Variants in DENND5B observed in about 807,000 individuals in gnomAD.
DENND5B encodes DENN domain containing 5B, also known as DENN domain-containing protein 5B.
DENND5B carries 34 observed loss-of-function variants against 140.6 expected under a neutral mutation model. The ratio of observed to expected loss-of-function variants is 0.24; its 90% CI spans 0.18 to 0.32. The LOEUF is 0.32. DENND5B is among the 10% of genes least tolerant of loss of function. The pLI is 1.00. For missense variants in DENND5B, 1,142 were observed against 1,560.2 expected (o/e 0.73, Z 4.52); for synonymous variants, 551 against 562.1 (o/e 0.98, Z 0.28).
At chr12:31,438,985 A>G (rs1181737176) in intron 7 of DENND5B, among the ~76,000 whole-genome samples, 1 of 152,244 alleles carries the variant, frequency 6.6e-6, no homozygotes, top group African/African-American at 2.4e-5. Context: ...ACTCTGTGGA[A>G]CAAAATGGCC....
At chr12:31,451,558 T>C (rs1944525732) in intron 5 of DENND5B, 1 of 228,840 alleles carries the variant, frequency 4.4e-6, no homozygotes, top group Admixed American at 5.3e-5. Context: ...CTCCTGACCT[T>C]GTGATCCGTC....
At chr12:31,393,075 C>T (rs1324126119) in intron 17 of DENND5B, among the ~76,000 whole-genome samples, 1 of 152,146 alleles carries the variant, frequency 6.6e-6, no homozygotes, top group Non-Finnish European at 1.5e-5. Flanking sequence ...TGCTAGCAAG[C>T]CCCCAAATAT....
At chr12:31,469,718 C>T (rs546879435) in intron 3 of DENND5B, among the ~76,000 whole-genome samples, 2 of 152,248 alleles carry the variant, frequency 1.3e-5, no homozygotes, top group South Asian at 2.1e-4. Flanking sequence ...GGGTGGATCT[C>T]TCATGAATGG....
At chr12:31,499,697 A>G (rs1402725868) in intron 1 of DENND5B, 2 of 1,430,314 alleles carry the variant, frequency 1.4e-6, no homozygotes, top group South Asian at 1.5e-5. Flanking sequence ...GAAACAAAAA[A>G]GCTTTATGAA....
intron 1 of DENND5B, among the ~76,000 whole-genome samples, chr12:31,556,869 A>T (rs1430526950): frequency 6.6e-6 from 1 of 152,166 alleles, no homozygotes; most frequent in Admixed American, 6.5e-5. Context: ...ATGCCTCTTG[A>T]CCCAGCAGTT....
intron 1 of DENND5B, among the ~76,000 whole-genome samples, chr12:31,556,008 G>A (rs1949267929): frequency 6.6e-6 from 1 of 152,256 alleles, no homozygotes; most frequent in Middle Eastern, 3.2e-3. Flanking sequence ...CGCTTCCCGG[G>A]TGAGGTGATG....
chr12:31,556,245 C>T (rs530103533), intron 1 of DENND5B, among the ~76,000 whole-genome samples: 1 of 152,278 alleles, frequency 6.6e-6, no homozygotes, highest in Admixed American at 6.5e-5. Context: ...CACTCTGTCA[C>T]CCAGACTGGA....
chr12:31,418,393 C>G (rs2137638714), intron 11 of DENND5B, among the ~76,000 whole-genome samples: 1 of 150,580 alleles, frequency 6.6e-6, no homozygotes, highest in African/African-American at 2.4e-5. Context: ...GATCCTCCAA[C>G]CTCAGCTTCT....
chr12:31,389,192 G>T, intron 20 of DENND5B, 132 bp downstream of exon 20: 1 of 877,060 alleles, frequency 1.1e-6, no homozygotes, highest in Non-Finnish European at 1.6e-6. Flanking sequence ...GTGAGACTCT[G>T]TTTCAAAAGA....
At chr12:31,394,342 T>C (rs1440140501) in intron 17 of DENND5B, among the ~76,000 whole-genome samples, 1 of 152,082 alleles carries the variant, frequency 6.6e-6, no homozygotes, top group Non-Finnish European at 1.5e-5. Flanking sequence ...CTTTTCTGCT[T>C]ATAGCATGAG....
At chr12:31,408,823 G>T (rs1942279533) in intron 14 of DENND5B, among the ~76,000 whole-genome samples, 1 of 152,070 alleles carries the variant, frequency 6.6e-6, no homozygotes, top group African/African-American at 2.4e-5. Flanking sequence ...CAAAGACTGG[G>T]TTTCTTGGGA....
intron 6 of DENND5B, among the ~76,000 whole-genome samples, chr12:31,443,360 C>T (rs1190228837): frequency 2.0e-5 from 3 of 152,148 alleles, no homozygotes; most frequent in Admixed American, 6.5e-5. Context: ...TAAGCGTGAG[C>T]CACCACGCCC....
chr12:31,544,294 A>G (rs1948780405), intron 1 of DENND5B, among the ~76,000 whole-genome samples: 1 of 152,130 alleles, frequency 6.6e-6, no homozygotes, highest in Non-Finnish European at 1.5e-5. Flanking sequence ...TTTAATTTTT[A>G]TTTTTGAGAC....
At chr12:31,472,197 C>T (rs931421081) in intron 3 of DENND5B, among the ~76,000 whole-genome samples, 1 of 152,106 alleles carries the variant, frequency 6.6e-6, no homozygotes, top group African/African-American at 2.4e-5. Flanking sequence ...CTAATAAAAA[C>T]ATTAATAATG....
At chr12:31,394,417 T>A (rs950799301) in intron 17 of DENND5B, among the ~76,000 whole-genome samples, 1 of 152,166 alleles carries the variant, frequency 6.6e-6, no homozygotes, top group Admixed American at 6.5e-5. Context: ...CCCATGAAAT[T>A]GGACTGACTC....
chr12:31,436,536 A>G (rs377184264), intron 7 of DENND5B, among the ~76,000 whole-genome samples: 2 of 151,316 alleles, frequency 1.3e-5, no homozygotes, highest in African/African-American at 4.9e-5. Context: ...AGCTCCTGCA[A>G]TTTTCTTTTT....
intron 7 of DENND5B, 76 bp from the exon 8 acceptor site, chr12:31,433,324 C>T: frequency 8.2e-7 from 1 of 1,221,602 alleles, no homozygotes; most frequent in Non-Finnish European, 1.1e-6. Flanking sequence ...ACACAAAAGA[C>T]TGACACACAC....
At chr12:31,552,308 T>G (rs1472995085) in intron 1 of DENND5B, among the ~76,000 whole-genome samples, 2 of 152,218 alleles carry the variant, frequency 1.3e-5, no homozygotes, top group East Asian at 3.8e-4. Flanking sequence ...CTTTTCTGCA[T>G]CTATTGAGAT....
At chr12:31,502,710 A>G (rs1430477505) in intron 1 of DENND5B, among the ~76,000 whole-genome samples, 3 of 152,220 alleles carry the variant, frequency 2.0e-5, no homozygotes, top group African/African-American at 7.2e-5. Context: ...AGCAACAAAT[A>G]TTAAGCTTCT....
Sources: gnomAD v4.1 joint callset for allele counts (sites outside exome capture counted in the v4.1 genomes callset) on GRCh38, gnomAD v4.1.1 for gene constraint, MANE v1.5 for transcripts, NCBI Gene and HGNC (gene_info 2026-07-23, HGNC 2026-07-21) for gene names.